Variants in CORO2B observed in about 807,000 individuals in gnomAD.
The protein encoded by CORO2B is coronin 2B, also known as coronin-2B.
CORO2B carries 26 observed loss-of-function variants against 58.8 expected under a neutral mutation model. That is an observed-to-expected ratio of 0.44 (90% CI 0.32 to 0.61). The LOEUF is 0.61. Among genes scored for constraint, CORO2B ranks in the 20% least tolerant of loss-of-function variants. CORO2B has a pLI of 0.04. For synonymous variants in CORO2B, 242 were observed against 253.8 expected (o/e 0.95, Z 0.44); for missense variants, 460 against 645.1 (o/e 0.71, Z 3.11).
At position 68,596,817 on chromosome 15, in the gene CORO2B, G is replaced by A. The variant is rs147255410; in HGVS notation, c.15+17540G>A. On this transcript the variant is annotated intron_variant, in intron 1 of 11. Coordinates refer to ENST00000261861, the MANE Select transcript of CORO2B (RefSeq NM_006091.5). ...AAGATCCAGATCCACAAACCCACGG[G>A]GAGAAATGGCCGCGCATCACGCAGA... 4.6e-3 allele frequency among the ~76,000 whole-genome samples: 705 copies of A among 152,268 alleles called. 2 individuals carry two copies. The highest frequency in any genetic ancestry group is 0.014 in the African/African-American group (581 of 41,558).
chr15:68,707,101 C>G (rs1015266303), intron 3 of CORO2B, among the ~76,000 whole-genome samples: 1 of 152,204 alleles, frequency 6.6e-6, no homozygotes, highest in Non-Finnish European at 1.5e-5. Flanking sequence ...GCTGGGATTA[C>G]AAGCGCGCGC....
At chr15:68,668,586 C>T (rs1408828094) in intron 2 of CORO2B, among the ~76,000 whole-genome samples, 5 of 152,146 alleles carry the variant, frequency 3.3e-5, no homozygotes, top group Non-Finnish European at 7.3e-5. Flanking sequence ...GAGAGAATAG[C>T]ATGTGCTGAG....
At chr15:68,655,155 T>A (rs748547562) in intron 2 of CORO2B, among the ~76,000 whole-genome samples, 1 of 152,158 alleles carries the variant, frequency 6.6e-6, no homozygotes, top group Non-Finnish European at 1.5e-5. Context: ...AGGGAAGGCA[T>A]GTAAAGGTTT....
intron 1 of CORO2B, among the ~76,000 whole-genome samples, chr15:68,595,689 A>G (rs1899808336): frequency 1.3e-5 from 2 of 152,264 alleles, no homozygotes; most frequent in South Asian, 2.1e-4. Context: ...ACAAAATACC[A>G]TCAATTAAGC....
upstream of CORO2B, among the ~76,000 whole-genome samples, chr15:68,576,919 G>C (rs1899298554): frequency 6.6e-6 from 1 of 152,202 alleles, no homozygotes; most frequent in Non-Finnish European, 1.5e-5. Context: ...ATGAAAATGA[G>C]ACCAGACCCT....
At chr15:68,550,716 G>C in the CORO2B span, among the ~76,000 whole-genome samples, 7 of 152,226 alleles carry the variant, frequency 4.6e-5, no homozygotes, top group Admixed American at 3.9e-4. Flanking sequence ...CTACCTGCAG[G>C]CGCTCTGCGG....
rs777240660 is a variant in CORO2B, at chr15:68,645,169, C to T, written c.25C>T (p.Arg9Cys). ...TCCTGGCCCCTCACAGATGTCCTGGCGTCCGCAATACCGTAGCTCCAAGTT... is the reference window on the plus strand; with the variant it reads ...TCCTGGCCCCTCACAGATGTCCTGGTGTCCGCAATACCGTAGCTCCAAGTT... MTVTKMSW[R>C]PQYRSSKFRN... Residue 9 changes from arginine to cysteine, a missense_variant, in exon 2 of 12, where the codon CGT (arginine) becomes TGT (cysteine). Transcript: ENST00000261861. The surrounding 1 kb of genome is among the most constrained non-coding windows in gnomAD (Gnocchi z 4.5). The T allele has an allele frequency of 3.7e-6, 6 of 1,614,054 alleles. No individual in the cohort carries two copies. Among genetic ancestry groups the T allele is most frequent in the East Asian group, 4.5e-5 (2 of 44,868 alleles).
chr15:68,539,482 G>A, the CORO2B span, among the ~76,000 whole-genome samples: 11 of 151,924 alleles, frequency 7.2e-5, no homozygotes, highest in South Asian at 6.2e-4. Flanking sequence ...AGACAAGCCC[G>A]GGCAACATGG....
In CORO2B at chr15:68,615,474, G is replaced by A. The variant is rs140291879; in HGVS notation, c.16-29686G>A. Reference sequence around the variant, plus strand: ...TGTTTCCATTCCTGAGCCATTGGCTGTGGCTTAGGCTTAGATGAGAAGCAG... The same window carrying A: ...TGTTTCCATTCCTGAGCCATTGGCTATGGCTTAGGCTTAGATGAGAAGCAG... On this transcript the variant is annotated intron_variant, in intron 1 of 11. Coordinates refer to ENST00000261861, the MANE Select transcript of CORO2B (RefSeq NM_006091.5). Among the ~76,000 whole-genome samples the A allele has an allele frequency of 4.6e-3, 708 of 152,332 alleles. 2 individuals are homozygous for A. Among genetic ancestry groups the A allele is most frequent in the African/African-American group, 0.015 (638 of 41,568 alleles).
At chr15:68,562,989 A>AG in the CORO2B span, among the ~76,000 whole-genome samples, 11 of 151,114 alleles carry the variant, frequency 7.3e-5, 1 homozygote, top group East Asian at 5.8e-4. Context: ...AGAAAAAAAA[A>AG]AAAGAAAGAA....
At chr15:68,669,406 C>A (rs2140294075) in intron 2 of CORO2B, among the ~76,000 whole-genome samples, 1 of 152,314 alleles carries the variant, frequency 6.6e-6, no homozygotes, top group Middle Eastern at 3.4e-3. Context: ...ATCTTGCTGG[C>A]CAGGGCCAAG....
upstream of CORO2B, among the ~76,000 whole-genome samples, chr15:68,575,423 C>G (rs187912144): frequency 1.2e-5 from 1 of 85,314 alleles, no homozygotes; most frequent in Admixed American, 1.3e-4. Context: ...CTGCAACCTC[C>G]GCCTCCCAAG....
At chr15:68,696,759 T>C (rs1311278177) in intron 3 of CORO2B, among the ~76,000 whole-genome samples, 1 of 151,974 alleles carries the variant, frequency 6.6e-6, no homozygotes, top group Non-Finnish European at 1.5e-5. Flanking sequence ...AAAGAGGAGA[T>C]TTCAGAGCCT....
the CORO2B span, among the ~76,000 whole-genome samples, chr15:68,542,586 T>C: frequency 6.6e-6 from 1 of 152,276 alleles, no homozygotes; most frequent in Non-Finnish European, 1.5e-5. Flanking sequence ...AGCTTATTTC[T>C]GGCTCCAATG....
At chr15:68,530,925 T>C in the CORO2B span, among the ~76,000 whole-genome samples, 1 of 152,228 alleles carries the variant, frequency 6.6e-6, no homozygotes. Flanking sequence ...TTACAGTTAA[T>C]GTAATTTTTG....
chr15:68,570,604 G>A, the CORO2B span, among the ~76,000 whole-genome samples: 1 of 152,190 alleles, frequency 6.6e-6, no homozygotes, highest in African/African-American at 2.4e-5. Flanking sequence ...GAAAGTTGAA[G>A]TGCTTACAAG....
intron 1 of CORO2B, among the ~76,000 whole-genome samples, chr15:68,638,657 G>A (rs1177091343): frequency 1.3e-5 from 2 of 152,230 alleles, no homozygotes; most frequent in Non-Finnish European, 2.9e-5. Flanking sequence ...ATTGGAAAGA[G>A]CAGTAGACTA....
chr15:68,647,138 A>G (rs1056817572), intron 2 of CORO2B, among the ~76,000 whole-genome samples: 4 of 152,358 alleles, frequency 2.6e-5, no homozygotes, highest in Admixed American at 1.3e-4. Context: ...GAAAAGCTAC[A>G]TGTGTATTAG....
intron 1 of CORO2B, among the ~76,000 whole-genome samples, chr15:68,605,750 T>G (rs1900101446): frequency 8.2e-6 from 1 of 121,930 alleles, no homozygotes; most frequent in Non-Finnish European, 1.6e-5. Context: ...TGAGATGGAG[T>G]CTCGCTGTGT....
Sources: gnomAD v4.1 joint callset for allele counts (sites outside exome capture counted in the v4.1 genomes callset) on GRCh38, gnomAD v4.1.1 for gene constraint, Gnocchi (gnomAD v3.1) non-coding constraint, MANE v1.5 for transcripts, NCBI Gene and HGNC (gene_info 2026-07-23, HGNC 2026-07-21) for gene names.